HS6ST3: variants seen among roughly 807,000 people sequenced by gnomAD.
The protein encoded by HS6ST3 is heparan-sulfate 6-O-sulfotransferase 3.
Under a neutral mutation model 36.7 loss-of-function variants are expected in HS6ST3, and 12 were observed. The observed-to-expected ratio is 0.33, with a 90% CI of 0.21 to 0.53. HS6ST3 has a LOEUF of 0.53. Among genes scored for constraint, HS6ST3 ranks in the 20% least tolerant of loss-of-function variants. The probability of loss-of-function intolerance (pLI) is 0.95; values close to 1 mark genes in which losing one functional copy is unlikely to be tolerated. For synonymous variants in HS6ST3, 240 were observed against 257.5 expected, an observed-to-expected ratio of 0.93 and a Z score of 0.65; for missense variants, 584 against 640.9, an observed-to-expected ratio of 0.91 and a Z score of 0.96.
intron 1 of HS6ST3, among the ~76,000 whole-genome samples, chr13:96,802,099 G>A (rs1878090823): frequency 6.6e-6 from 1 of 152,060 alleles, no homozygotes; most frequent in Non-Finnish European, 1.5e-5. Flanking sequence ...AATTATCAGG[G>A]AGGAAAACTC....
intron 1 of HS6ST3, among the ~76,000 whole-genome samples, chr13:96,370,309 T>A (rs556156102): frequency 5.3e-5 from 8 of 152,360 alleles, no homozygotes; most frequent in Non-Finnish European, 1.0e-4. Flanking sequence ...AAACTGTTTA[T>A]ATGCAGCTTT....
intron 1 of HS6ST3, among the ~76,000 whole-genome samples, chr13:96,141,510 C>T (rs976968591): frequency 6.6e-6 from 1 of 151,998 alleles, no homozygotes; most frequent in Non-Finnish European, 1.5e-5. Flanking sequence ...GCCATCATGC[C>T]CAGCTAATTT....
chr13:96,353,973 T>C (rs1368694394), intron 1 of HS6ST3, among the ~76,000 whole-genome samples: 1 of 152,184 alleles, frequency 6.6e-6, no homozygotes, highest in African/African-American at 2.4e-5. Flanking sequence ...CTACTGGCAT[T>C]ATCTCTCAAA....
intron 1 of HS6ST3, among the ~76,000 whole-genome samples, chr13:96,327,806 C>T (rs1228677360): frequency 1.3e-5 from 2 of 151,838 alleles, no homozygotes; most frequent in African/African-American, 4.8e-5. Flanking sequence ...TTCTTCCTAC[C>T]CATGAGCATG....
intron 1 of HS6ST3, among the ~76,000 whole-genome samples, chr13:96,317,039 G>T (rs2054973579): frequency 6.6e-6 from 1 of 151,736 alleles, no homozygotes; most frequent in Admixed American, 6.6e-5. Flanking sequence ...ACATGTGCAG[G>T]TTTGTTACAT....
intron 1 of HS6ST3, among the ~76,000 whole-genome samples, chr13:96,350,115 A>T (rs570024425): frequency 6.6e-6 from 1 of 152,318 alleles, no homozygotes; most frequent in Non-Finnish European, 1.5e-5. Flanking sequence ...CCTTGCCCAG[A>T]TTGCATAGTC....
intron 1 of HS6ST3, among the ~76,000 whole-genome samples, chr13:96,674,478 A>G (rs559651711): frequency 3.3e-5 from 5 of 152,062 alleles, no homozygotes; most frequent in South Asian, 4.2e-4. Context: ...AGAGGATTTA[A>G]TCCCCCGGGC....
intron 1 of HS6ST3, among the ~76,000 whole-genome samples, chr13:96,152,799 A>G (rs1218938205): frequency 6.6e-6 from 1 of 152,176 alleles, no homozygotes; most frequent in Non-Finnish European, 1.5e-5. Context: ...CTTCTTTGGC[A>G]GTCAAGGTCA....
At chr13:96,252,361 T>A (rs569780330) in intron 1 of HS6ST3, among the ~76,000 whole-genome samples, 2 of 152,312 alleles carry the variant, frequency 1.3e-5, no homozygotes, top group South Asian at 4.1e-4. Flanking sequence ...GAGACAAAGA[T>A]CTTCACCCAT....
chr13:96,744,767 G>A (rs1876524235), intron 1 of HS6ST3, among the ~76,000 whole-genome samples: 1 of 152,076 alleles, frequency 6.6e-6, no homozygotes, highest in Non-Finnish European at 1.5e-5. Flanking sequence ...GGGGAAATGT[G>A]ACCAGATTTT....
intron 1 of HS6ST3, among the ~76,000 whole-genome samples, chr13:96,702,000 A>G (rs916761570): frequency 6.6e-6 from 1 of 152,172 alleles, no homozygotes; most frequent in African/African-American, 2.4e-5. Context: ...TCTGAGGGAA[A>G]CATGATATAG....
intron 1 of HS6ST3, among the ~76,000 whole-genome samples, chr13:96,558,052 T>A (rs554958508): frequency 6.6e-6 from 1 of 152,348 alleles, no homozygotes; most frequent in Non-Finnish European, 1.5e-5. Context: ...TGTGTATGTG[T>A]AATTATCGTT....
chr13:96,761,928 A>T (rs1340851640), intron 1 of HS6ST3, among the ~76,000 whole-genome samples: 2 of 152,150 alleles, frequency 1.3e-5, no homozygotes, highest in African/African-American at 2.4e-5. Context: ...TAATAAATTT[A>T]AAAAATAAGA....
chr13:96,647,315 G>A (rs1448892166), intron 1 of HS6ST3, among the ~76,000 whole-genome samples: 1 of 151,998 alleles, frequency 6.6e-6, no homozygotes, highest in Non-Finnish European at 1.5e-5. Context: ...TTAAAAAAGT[G>A]ATATCACATG....
intron 1 of HS6ST3, among the ~76,000 whole-genome samples, chr13:96,526,272 A>G (rs1003141826): frequency 1.3e-5 from 2 of 152,202 alleles, no homozygotes; most frequent in Non-Finnish European, 2.9e-5. Flanking sequence ...CGAGCTTGGA[A>G]TTTACCCCAA....
At chr13:96,315,424 C>G (rs1401676778) in intron 1 of HS6ST3, among the ~76,000 whole-genome samples, 1 of 151,912 alleles carries the variant, frequency 6.6e-6, no homozygotes, top group Non-Finnish European at 1.5e-5. Context: ...TAAGAATATG[C>G]TTTTAAACAT....
intron 1 of HS6ST3, among the ~76,000 whole-genome samples, chr13:96,270,985 C>T (rs559801164): frequency 4.1e-4 from 63 of 152,042 alleles, no homozygotes; most frequent in Non-Finnish European, 8.4e-4. Context: ...CCCTGAAATG[C>T]CTGGTTATGG....
intron 1 of HS6ST3, among the ~76,000 whole-genome samples, chr13:96,356,756 AGTCACCAGCT>A (rs1258042671): frequency 1.3e-4 from 20 of 152,204 alleles, no homozygotes; most frequent in African/African-American, 4.6e-4. Flanking sequence ...GTTTCATTAA[AGTCACCAGCT>A]GCATTAGACT....
chr13:96,597,821 C>G (rs2056407566), intron 1 of HS6ST3, among the ~76,000 whole-genome samples: 1 of 151,900 alleles, frequency 6.6e-6, no homozygotes, highest in African/African-American at 2.4e-5. Context: ...AGATGTAAGT[C>G]CTTATTCCAT....
Sources: allele counts gnomAD v4.1 joint callset (sites outside exome capture counted in the v4.1 genomes callset), GRCh38; gene constraint gnomAD v4.1.1; transcripts MANE v1.5; gene names NCBI Gene and HGNC (gene_info 2026-07-23, HGNC 2026-07-21).